IL1RAPL2: variants seen among roughly 807,000 people sequenced by gnomAD.
IL1RAPL2 encodes interleukin 1 receptor accessory protein like 2, also known as X-linked interleukin-1 receptor accessory protein-like 2.
Under a neutral mutation model 44.1 loss-of-function variants are expected in IL1RAPL2, and 3 were observed. That is an observed-to-expected ratio of 0.07 (90% CI 0.03 to 0.18). The LOEUF is 0.18. Ranked by LOEUF, IL1RAPL2 falls within the 10% of genes least tolerant of loss-of-function variation. The pLI, the probability that IL1RAPL2 is intolerant of heterozygous loss-of-function variation, is 1.00. For synonymous variants in IL1RAPL2, 181 were observed against 178.8 expected (o/e 1.01, Z -0.10); for missense variants, 391 against 496.4 (o/e 0.79, Z 2.02).
intron 2 of IL1RAPL2, among the ~76,000 whole-genome samples, chrX:105,034,712 T>C (rs1412102050): frequency 8.9e-6 from 1 of 112,399 alleles, no homozygotes; most frequent in African/African-American, 3.2e-5. Context: ...GGAGGCAGTC[T>C]GCCTGTTCTC....
chrX:105,299,135 A>G (rs1156644013), intron 5 of IL1RAPL2, among the ~76,000 whole-genome samples: 3 of 112,016 alleles, frequency 2.7e-5, no homozygotes, highest in African/African-American at 9.7e-5. Flanking sequence ...TAAGATCTCT[A>G]AAAATATGTT....
intron 5 of IL1RAPL2, among the ~76,000 whole-genome samples, chrX:105,377,080 A>G (rs1186903874): frequency 8.9e-6 from 1 of 111,891 alleles, no homozygotes; most frequent in Non-Finnish European, 1.9e-5. Context: ...GATTTTTTGT[A>G]TAAACTTTCC....
intron 5 of IL1RAPL2, among the ~76,000 whole-genome samples, chrX:105,389,615 G>T (rs2035506482): frequency 9.0e-6 from 1 of 111,468 alleles, no homozygotes; most frequent in Non-Finnish European, 1.9e-5. Flanking sequence ...TTTACTGGGG[G>T]TATTTCTGGT....
At chrX:105,417,717 G>A (rs2035744758) in intron 5 of IL1RAPL2, among the ~76,000 whole-genome samples, 1 of 111,800 alleles carries the variant, frequency 8.9e-6, no homozygotes, top group Non-Finnish European at 1.9e-5. Context: ...ATGAAAAGAT[G>A]AGACCTAGAT....
intron 6 of IL1RAPL2, among the ~76,000 whole-genome samples, chrX:105,685,749 G>A (rs1350517401): frequency 9.0e-6 from 1 of 111,210 alleles, no homozygotes; most frequent in Admixed American, 9.6e-5. Context: ...ACACATAATT[G>A]TCAGATTAAC....
chrX:104,654,973 TTGTC>T (rs763125294), intron 1 of IL1RAPL2, among the ~76,000 whole-genome samples: 6 of 111,303 alleles, frequency 5.4e-5, no homozygotes, highest in Non-Finnish European at 1.1e-4. Flanking sequence ...GGCTCTCTGT[TTGTC>T]TGTTATTGGT....
At chrX:105,507,568 TA>T (rs774336773) in intron 6 of IL1RAPL2, among the ~76,000 whole-genome samples, 9 of 111,649 alleles carry the variant, frequency 8.1e-5, no homozygotes, top group East Asian at 2.8e-4. Flanking sequence ...AAAGTTGTAC[TA>T]TTTTTTTTAC....
chrX:105,500,876 T>TATC (rs2036389701), intron 6 of IL1RAPL2, among the ~76,000 whole-genome samples: 1 of 111,864 alleles, frequency 8.9e-6, no homozygotes, highest in South Asian at 3.7e-4. Context: ...ATGTTGAGTT[T>TATC]ATCATCACTT....
intron 2 of IL1RAPL2, among the ~76,000 whole-genome samples, chrX:105,146,871 T>G (rs1401682222): frequency 1.8e-5 from 2 of 111,848 alleles, no homozygotes; most frequent in African/African-American, 6.5e-5. Flanking sequence ...CTACATTGGT[T>G]TGGCGTAAAA....
chrX:104,897,410 T>G (rs1281590320), intron 2 of IL1RAPL2, among the ~76,000 whole-genome samples: 2 of 112,162 alleles, frequency 1.8e-5, no homozygotes, highest in Non-Finnish European at 3.8e-5. Context: ...TTTAGAGCCA[T>G]TGTTCCCAGA....
At chrX:104,677,081 C>A (rs1040314889) in intron 2 of IL1RAPL2, among the ~76,000 whole-genome samples, 1 of 111,995 alleles carries the variant, frequency 8.9e-6, no homozygotes. Flanking sequence ...TCATCTGAAG[C>A]CTTCTTCTCT....
intron 1 of IL1RAPL2, among the ~76,000 whole-genome samples, chrX:104,602,693 T>C (rs772549503): frequency 1.6e-4 from 18 of 111,001 alleles, no homozygotes; most frequent in Non-Finnish European, 3.0e-4. Flanking sequence ...AGTATTACGC[T>C]CACAGTGTAA....
rs1053859120 is a variant in IL1RAPL2 at position 105,389,178 on chromosome X, T to A, written c.698-95135T>A. 2.7e-5 allele frequency among the ~76,000 whole-genome samples: 3 copies of A among 111,901 alleles called. No homozygotes were observed. The Admixed American group carries it at 2.9e-4, about 11-fold the overall frequency. On this transcript the variant is annotated intron_variant, in intron 5 of 10. Transcript: ENST00000372582. Reference sequence around the variant, plus strand: ...TTGTTATTGGCAATTCAGAAAATGATTTCTATAGTTTCTTTGACATAAAGT... The same window carrying A: ...TTGTTATTGGCAATTCAGAAAATGAATTCTATAGTTTCTTTGACATAAAGT...
intron 2 of IL1RAPL2, among the ~76,000 whole-genome samples, chrX:104,732,142 G>A (rs1052989833): frequency 8.9e-6 from 1 of 111,996 alleles, no homozygotes; most frequent in Non-Finnish European, 1.9e-5. Context: ...CAAAACTTGT[G>A]GGATGCTGCC....
rs1225259466 is a variant in IL1RAPL2, at chrX:105,542,691, T to TTTTATTTA, written c.772+58337_772+58344dup. 5.9e-3 allele frequency among the ~76,000 whole-genome samples: 566 copies of TTTTATTTA among 96,115 alleles called. 10 individuals carry two copies. Among genetic ancestry groups the TTTTATTTA allele is most frequent in the African/African-American group, 0.021 (514 of 24,635 alleles). The allele number at this position is 96,115 out of a possible 115,157, so 83.5% of individuals were successfully genotyped here. A position where few individuals can be genotyped will look rare whatever the true frequency, so the allele number is the denominator to read the frequency against. On this transcript the variant is annotated intron_variant, in intron 6 of 10. Transcript: ENST00000372582. ...CTCTTTTTTTTTTATTTTTTATATT[T>TTTTATTTA]TTTATTTATTTATTTATTTATTTAT...
At chrX:105,631,013 T>G (rs2037488249) in intron 6 of IL1RAPL2, among the ~76,000 whole-genome samples, 1 of 111,492 alleles carries the variant, frequency 9.0e-6, no homozygotes, top group African/African-American at 3.3e-5. Flanking sequence ...CACTGGAATT[T>G]AAGAATGGAA....
intron 2 of IL1RAPL2, among the ~76,000 whole-genome samples, chrX:104,989,155 A>G (rs142178181): frequency 0.011 from 1,226 of 111,588 alleles, 20 homozygotes; most frequent in African/African-American, 0.037. Context: ...GTTAATTTCA[A>G]TGTAGGCATA....
intron 7 of IL1RAPL2, among the ~76,000 whole-genome samples, chrX:105,728,338 A>G (rs764768104): frequency 1.8e-5 from 2 of 111,405 alleles, no homozygotes; most frequent in South Asian, 7.4e-4. Flanking sequence ...AGGTTCCTAC[A>G]TGTCTTTTCA....
chrX:105,125,851 T>G (rs1198896997), intron 2 of IL1RAPL2, among the ~76,000 whole-genome samples: 1 of 110,566 alleles, frequency 9.0e-6, no homozygotes, highest in Non-Finnish European at 1.9e-5. Flanking sequence ...TCCCCCCGTG[T>G]ATACTGAGGG....
Sources: allele counts gnomAD v4.1 joint callset (sites outside exome capture counted in the v4.1 genomes callset), GRCh38; gene constraint gnomAD v4.1.1; transcripts MANE v1.5; gene names NCBI Gene and HGNC (gene_info 2026-07-23, HGNC 2026-07-21).